The following MACROD2 variants were observed in gnomAD, a reference collection of about 807,000 sequenced individuals.
MACROD2 encodes the protein mono-ADP ribosylhydrolase 2, also known as ADP-ribose glycohydrolase MACROD2.
Under a neutral mutation model 70.4 loss-of-function variants are expected in MACROD2, and 36 were observed. That is an observed-to-expected ratio of 0.51 (90% CI 0.39 to 0.68). MACROD2 has a LOEUF of 0.68. MACROD2 is among the 30% of genes least tolerant of loss of function. The pLI is 0.00. For synonymous variants in MACROD2, 172 were observed against 178.8 expected (o/e 0.96, Z 0.30); for missense variants, 496 against 538.4 (o/e 0.92, Z 0.78).
chr20:15,448,587 T>C (rs1371394144), intron 7 of MACROD2, among the ~76,000 whole-genome samples: 2 of 152,154 alleles, frequency 1.3e-5, no homozygotes, highest in Admixed American at 1.3e-4. Flanking sequence ...GTTAAATAAA[T>C]GCATACATGT....
At chr20:14,748,184 T>C (rs2071824437) in intron 5 of MACROD2, among the ~76,000 whole-genome samples, 1 of 152,066 alleles carries the variant, frequency 6.6e-6, no homozygotes, top group South Asian at 2.1e-4. Flanking sequence ...AGCATGCCCA[T>C]GTCATGTGCT....
intron 6 of MACROD2, among the ~76,000 whole-genome samples, chr20:15,309,300 A>G (rs1007363713): frequency 6.6e-6 from 1 of 152,200 alleles, no homozygotes; most frequent in Non-Finnish European, 1.5e-5. Context: ...TCCAAGGAAA[A>G]GGGGGTGGCC....
rs34190778 is a variant in MACROD2 at position 14,515,463 on chromosome 20, A to ACACACACGCG, written c.301+21956_301+21957insACACACGCGC. ...TAAAGAATATGTGAGATACACACAC[A>ACACACACGCG]CGCACACACACACACACACACACAC... On this transcript the variant is annotated intron_variant, in intron 4 of 17. Coordinates refer to ENST00000684519, the MANE Select transcript of MACROD2 (RefSeq NM_001351661.2). Among the ~76,000 whole-genome samples, 522 of 138,898 alleles carry ACACACACGCG rather than the reference A, an allele frequency of 3.8e-3. 1 individual carries two copies. Among genetic ancestry groups the ACACACACGCG allele is most frequent in the African/African-American group, 5.9e-3 (206 of 35,026 alleles). 91.1% of individuals were successfully genotyped at this position (138,898 alleles called of 152,430 possible). A position where few individuals can be genotyped will look rare whatever the true frequency, so the allele number is the denominator to read the frequency against.
At chr20:15,812,630 AT>A (rs2063833057) in intron 8 of MACROD2, among the ~76,000 whole-genome samples, 1 of 152,206 alleles carries the variant, frequency 6.6e-6, no homozygotes. Flanking sequence ...CAATTCTGAA[AT>A]GCCTGTTCAT....
In MACROD2 at chr20:14,143,874, T is replaced by A. The variant is rs149147676; in HGVS notation, c.271+58146T>A. Among the ~76,000 whole-genome samples the A allele has an allele frequency of 3.8e-3, 586 of 152,290 alleles. 3 individuals carry two copies. Among genetic ancestry groups the A allele is most frequent in the African/African-American group, 0.012 (496 of 41,584 alleles). ...GAACCACACAGTGTCATTATTTTTT[T>A]AAAAATATATAGATGAAAGACTGGA... On this transcript the variant is annotated intron_variant, in intron 3 of 17. Transcript: ENST00000684519.
chr20:14,461,437 T>C (rs1449915533), intron 3 of MACROD2, among the ~76,000 whole-genome samples: 1 of 151,980 alleles, frequency 6.6e-6, no homozygotes, highest in African/African-American at 2.4e-5. Flanking sequence ...TCAGTTCTGC[T>C]CTGTTCTTAG....
intron 5 of MACROD2, among the ~76,000 whole-genome samples, chr20:14,880,842 C>T (rs189916268): frequency 3.9e-5 from 6 of 152,276 alleles, no homozygotes; most frequent in Non-Finnish European, 8.8e-5. Flanking sequence ...ACACAACTCC[C>T]TCCACAAAGG....
chr20:14,992,703 A>G lies in MACROD2; in HGVS notation c.419-237237A>G, dbSNP rs148247977. Among the ~76,000 whole-genome samples, 43 of 150,718 alleles carry G rather than the reference A, an allele frequency of 2.9e-4. No individual in the cohort carries two copies. The East Asian group carries it at 7.7e-3, about 27-fold the overall frequency. On this transcript the variant is annotated intron_variant, in intron 5 of 17. Transcript: ENST00000684519. ...TTCCTAAGTAGACTATAATACCTGT[A>G]ATGCAGAAGAATTTAGAACTTTTAG...
chr20:15,032,996 A>G (rs1179844125), intron 5 of MACROD2, among the ~76,000 whole-genome samples: 2 of 152,208 alleles, frequency 1.3e-5, no homozygotes, highest in East Asian at 3.9e-4. Context: ...GTATGATTCC[A>G]CTTATACGAG....
intron 5 of MACROD2, among the ~76,000 whole-genome samples, chr20:14,883,489 CT>C: frequency 6.6e-6 from 1 of 152,100 alleles, no homozygotes; most frequent in South Asian, 2.1e-4. Context: ...TTTTTCATGC[CT>C]TTTTCCCTCT....
At chr20:14,019,854 CCG>C (rs1235450938) in intron 2 of MACROD2, among the ~76,000 whole-genome samples, 2 of 152,066 alleles carry the variant, frequency 1.3e-5, no homozygotes, top group Admixed American at 1.3e-4. Context: ...CTTGTATCCT[CCG>C]AATAATGGCT....
At chr20:15,633,124 T>G (rs371829455) in intron 8 of MACROD2, among the ~76,000 whole-genome samples, 31 of 152,354 alleles carry the variant, frequency 2.0e-4, no homozygotes, top group Non-Finnish European at 3.7e-4. Flanking sequence ...ATTACACATA[T>G]GTATCTCATT....
In MACROD2 at chr20:15,614,518, G is replaced by T. The variant is rs369651913; in HGVS notation, c.645+114671G>T. 4.1e-4 allele frequency among the ~76,000 whole-genome samples: 62 copies of T among 152,186 alleles called. No homozygotes were observed. The South Asian group carries it at 0.012, about 29-fold the overall frequency. ...GTGTGCTCCAAGCCACATGTTCAAGGTATCTCTTCTTCTGATTGTCAACTC... is the reference window on the plus strand; with the variant it reads ...GTGTGCTCCAAGCCACATGTTCAAGTTATCTCTTCTTCTGATTGTCAACTC... On this transcript the variant is annotated intron_variant, in intron 8 of 17. Coordinates refer to ENST00000684519, the MANE Select transcript of MACROD2 (RefSeq NM_001351661.2).
At chr20:14,151,811 C>CTTTTTTTTTTTTTT in intron 3 of MACROD2, among the ~76,000 whole-genome samples, 1 of 59,216 alleles carries the variant, frequency 1.7e-5, no homozygotes, top group South Asian at 9.3e-4. Context: ...TGTATTGTAT[C>CTTTTTTTTTTTTTT]TTTTTTTTTT....
intron 5 of MACROD2, among the ~76,000 whole-genome samples, chr20:15,174,336 AT>A (rs1379225413): frequency 6.6e-6 from 1 of 152,172 alleles, no homozygotes; most frequent in Non-Finnish European, 1.5e-5. Context: ...TCCAGCACAT[AT>A]TTTTTAAGTA....
chr20:15,451,316 TA>T (rs1243524501), intron 7 of MACROD2, among the ~76,000 whole-genome samples: 2 of 149,338 alleles, frequency 1.3e-5, no homozygotes, highest in Admixed American at 6.8e-5. Context: ...CAAAGCATTT[TA>T]AACTGACAGA....
At chr20:14,694,913 G>T (rs1394983298) in intron 5 of MACROD2, among the ~76,000 whole-genome samples, 1 of 152,060 alleles carries the variant, frequency 6.6e-6, no homozygotes, top group Non-Finnish European at 1.5e-5. Flanking sequence ...TTCTCTTCTG[G>T]AGAGCTAGAG....
intron 5 of MACROD2, among the ~76,000 whole-genome samples, chr20:15,131,211 A>C (rs2076102314): frequency 6.6e-6 from 1 of 152,158 alleles, no homozygotes; most frequent in Non-Finnish European, 1.5e-5. Context: ...AGGCAAATTA[A>C]GAAAATAAAA....
intron 5 of MACROD2, among the ~76,000 whole-genome samples, chr20:15,048,231 A>G (rs759133449): frequency 2.0e-5 from 3 of 152,180 alleles, no homozygotes; most frequent in Non-Finnish European, 4.4e-5. Flanking sequence ...AGCCAAGATC[A>G]GATTGTGCCA....
Sources: allele counts gnomAD v4.1 joint callset (sites outside exome capture counted in the v4.1 genomes callset), GRCh38; gene constraint gnomAD v4.1.1; transcripts MANE v1.5; gene names NCBI Gene and HGNC (gene_info 2026-07-23, HGNC 2026-07-21).